The following EPB41L3 variants were observed in gnomAD, a reference collection of about 807,000 sequenced individuals.
The protein encoded by EPB41L3 is band 4.1-like protein 3.
A neutral mutation model predicts 127.1 loss-of-function variants in EPB41L3; 57 were observed. That is an observed-to-expected ratio of 0.45 (90% CI 0.36 to 0.56). EPB41L3 has a LOEUF of 0.56. Among genes scored for constraint, EPB41L3 ranks in the 20% least tolerant of loss-of-function variants. The probability of loss-of-function intolerance (pLI) is 0.00; values close to 1 mark genes in which losing one functional copy is unlikely to be tolerated. For missense variants in EPB41L3, 1,273 were observed against 1,372.2 expected, an observed-to-expected ratio of 0.93 and a Z score of 1.14; for synonymous variants, 572 against 549.5, an observed-to-expected ratio of 1.04 and a Z score of -0.57.
chr18:5,522,275 T>G (rs113131105), intron 1 of EPB41L3, among the ~76,000 whole-genome samples: 5 of 151,980 alleles, frequency 3.3e-5, no homozygotes, highest in Admixed American at 6.5e-5. Context: ...AGCTAAATTT[T>G]TTTGTTTGTT....
chr18:5,630,071 C>T (rs2094975395), upstream of EPB41L3, among the ~76,000 whole-genome samples: 1 of 152,178 alleles, frequency 6.6e-6, no homozygotes, highest in African/African-American at 2.4e-5. Context: ...GCCCGGCTTC[C>T]GCGGCAGCTC....
At chr18:5,611,983 GT>G (rs991941887) in intron 3 of EPB41L3, among the ~76,000 whole-genome samples, 3 of 151,546 alleles carry the variant, frequency 2.0e-5, no homozygotes, top group Admixed American at 2.0e-4. Context: ...AAATTGTTAA[GT>G]TCTCAATCCA....
rs1379846959 is a variant in EPB41L3, at chr18:5,489,007, C to T, written c.177G>A (p.Arg59=). 2 of 1,581,862 alleles carry T rather than the reference C, an allele frequency of 1.3e-6. No homozygotes were observed. The highest frequency in any genetic ancestry group is 1.1e-5 in the South Asian group (1 of 89,290). The part of the protein sequence containing the change: ...AAAAAHSTPV[R]REVTDKEQEF... ...TTTTCTGGCCTGGGCTCACCTCCCT[C>T]CGCACCGGGGTGCTGTGCGCTGCAG... The change falls in exon 2 of 23, where the codon CGG becomes CGA. Residue 59 remains arginine, a synonymous_variant. Transcript: ENST00000341928.
At chr18:5,465,366 T>G (rs1158475948) in intron 3 of EPB41L3, among the ~76,000 whole-genome samples, 1 of 152,162 alleles carries the variant, frequency 6.6e-6, no homozygotes, top group Non-Finnish European at 1.5e-5. Flanking sequence ...AATGAGAAAT[T>G]GAGAGGCACA....
chr18:5,421,192 T>C (rs563211355), intron 11 of EPB41L3, among the ~76,000 whole-genome samples: 1 of 152,304 alleles, frequency 6.6e-6, no homozygotes, highest in East Asian at 1.9e-4. Flanking sequence ...GATTTCACAA[T>C]TGTCTTCTGT....
chr18:5,398,298 A>C (rs2073929457), intron 16 of EPB41L3, 155 bp from the exon 17 acceptor site: 2 of 865,088 alleles, frequency 2.3e-6, no homozygotes, highest in East Asian at 4.9e-5. Flanking sequence ...AAAGAATGGG[A>C]AATAAAATAG....
chr18:5,570,196 T>C (rs548065778), intron 3 of EPB41L3: 1 of 152,258 alleles, frequency 6.6e-6, no homozygotes, highest in Non-Finnish European at 1.5e-5. Flanking sequence ...TACCATCCTC[T>C]GTCACCCCTC....
chr18:5,432,716 G>A (rs1158994340), intron 8 of EPB41L3, among the ~76,000 whole-genome samples: 2 of 152,082 alleles, frequency 1.3e-5, no homozygotes, highest in South Asian at 2.1e-4. Flanking sequence ...GTATCCTCAC[G>A]ACTGTAACCC....
chr18:5,545,821 G>A (rs1626709), upstream of EPB41L3, among the ~76,000 whole-genome samples: 123,274 of 151,764 alleles, frequency 0.81, 50,246 homozygotes, highest in Non-Finnish European at 0.84. Context: ...AAAGTGTTGC[G>A]TATGAGTATT....
At chr18:5,558,209 C>T (rs896823286) in intron 3 of EPB41L3, among the ~76,000 whole-genome samples, 48 of 152,050 alleles carry the variant, frequency 3.2e-4, no homozygotes, top group African/African-American at 1.1e-3. Context: ...TTTTACTTGC[C>T]AGAAGACAAC....
chr18:5,394,454 T>G (rs2072987673), intron 22 of EPB41L3: 1 of 485,234 alleles, frequency 2.1e-6, no homozygotes, highest in Non-Finnish European at 3.7e-6. Context: ...GACTCTGCTC[T>G]TCCTTTATCC....
intron 1 of EPB41L3, among the ~76,000 whole-genome samples, chr18:5,538,208 CT>C (rs1430636004): frequency 6.6e-6 from 1 of 152,194 alleles, no homozygotes; most frequent in Non-Finnish European, 1.5e-5. Flanking sequence ...CAGAATCCAA[CT>C]CTACCAAATT....
intron 18 of EPB41L3, 111 bp downstream of exon 18, chr18:5,396,947 A>C: frequency 8.7e-7 from 1 of 1,151,262 alleles, no homozygotes; most frequent in Non-Finnish European, 1.2e-6. Flanking sequence ...TACACTATAC[A>C]TGGGAGAGGC....
In EPB41L3 at chr18:5,611,816, C is replaced by T. The variant is rs188684165; in HGVS notation, c.-306+524G>A. On this transcript the variant is annotated intron_variant, in intron 3 of 21. Transcript: ENST00000545076. ...ATGGTGGTGTGCACCTGTAGTACAC[C>T]TGTACTTTAGTAGAGACAGGGTACT... Among the ~76,000 whole-genome samples, 13 of 151,884 alleles carry T rather than the reference C, an allele frequency of 8.6e-5. No homozygotes were observed. The East Asian group carries it at 2.5e-3, about 29-fold the overall frequency.
chr18:5,612,541 T>A (rs780387396), intron 2 of EPB41L3: 6 of 152,266 alleles, frequency 3.9e-5, no homozygotes, highest in African/African-American at 4.8e-5. Context: ...TTAGTCCTGA[T>A]AATGAATGGT....
intron 1 of EPB41L3, among the ~76,000 whole-genome samples, chr18:5,510,786 G>T (rs937394288): frequency 6.6e-6 from 1 of 152,104 alleles, no homozygotes; most frequent in African/African-American, 2.4e-5. Flanking sequence ...TATATTCAAT[G>T]AATAATCTAG....
intron 1 of EPB41L3, among the ~76,000 whole-genome samples, chr18:5,540,900 C>G (rs528502025): frequency 6.6e-6 from 1 of 152,052 alleles, no homozygotes; most frequent in East Asian, 1.9e-4. Flanking sequence ...CTGGCTAACA[C>G]AGTGAAACCC....
Position 5,543,717 on chromosome 18 carries a change from C to G in EPB41L3, c.-12+196G>C, listed in dbSNP as rs1374599346. Among the ~76,000 whole-genome samples the G allele has an allele frequency of 2.0e-5, 3 of 146,408 alleles. No individual in the cohort carries two copies. The East Asian group carries it at 6.1e-4, about 30-fold the overall frequency. On this transcript the variant is annotated intron_variant, in intron 1 of 22. Transcript: ENST00000341928. This position sits in a 1 kb window ranked among gnomAD's most constrained non-coding sequence, Gnocchi z 5.2. ...CGCAGGCTCGGCCCGGTGGGGGTCCCGGCGAGCGGGAGGGCGGTTGGGGAC... is the reference window on the plus strand; with the variant it reads ...CGCAGGCTCGGCCCGGTGGGGGTCCGGGCGAGCGGGAGGGCGGTTGGGGAC...
chr18:5,517,203 C>G (rs1054992472), intron 1 of EPB41L3, among the ~76,000 whole-genome samples: 1 of 152,000 alleles, frequency 6.6e-6, no homozygotes, highest in Non-Finnish European at 1.5e-5. Flanking sequence ...ATGCAGCAAC[C>G]GCAAACCTGA....
Sources: allele counts gnomAD v4.1 joint callset (sites outside exome capture counted in the v4.1 genomes callset), GRCh38; gene constraint gnomAD v4.1.1; non-coding constraint Gnocchi (gnomAD v3.1); transcripts MANE v1.5; gene names NCBI Gene and HGNC (gene_info 2026-07-23, HGNC 2026-07-21).